The following CDH23 variants were observed in gnomAD, a reference collection of about 807,000 sequenced individuals.
The protein encoded by CDH23 is cadherin related 23.
CDH23 carries 189 observed loss-of-function variants against 317.1 expected under a neutral mutation model. The observed-to-expected ratio is 0.60, with a 90% CI of 0.53 to 0.67. The LOEUF (loss-of-function observed/expected upper bound fraction) is 0.67. Ranked by LOEUF, CDH23 falls within the 30% of genes least tolerant of loss-of-function variation. The pLI is 0.00. For missense variants in CDH23, 4,401 were observed against 4,592.4 expected (o/e 0.96, Z 1.20); for synonymous variants, 1,839 against 1,876.8 (o/e 0.98, Z 0.52).
At chr10:71,477,804 T>C (rs1851870020) in intron 3 of CDH23, among the ~76,000 whole-genome samples, 1 of 152,198 alleles carries the variant, frequency 6.6e-6, no homozygotes, top group Admixed American at 6.5e-5. Context: ...TGTTTCTACT[T>C]GTGAAATGTC....
At chr10:71,673,677 T>C (rs1864238165) in intron 14 of CDH23, among the ~76,000 whole-genome samples, 1 of 152,256 alleles carries the variant, frequency 6.6e-6, no homozygotes, top group Non-Finnish European at 1.5e-5. Context: ...TCTCTAGCTG[T>C]GAAGCCTTGA....
rs578127110 is a variant in CDH23, at chr10:71,702,068, A to C, written c.2444A>C (p.Tyr815Ser). ...CTGGGGGAGAATGGCACCCTGGTGT[A>C]CAGCATCCAGCCACCCAACAAGTTC... is the stretch of plus-strand genomic sequence containing the variant. ...PDLGENGTLVYSIQPPNKFYS... is the reference protein window; with the variant it reads ...PDLGENGTLVSSIQPPNKFYS... Residue 815 changes from tyrosine to serine, a missense_variant, in exon 23 of 70, where the codon TAC becomes TCC. Transcript: ENST00000224721. The C allele has an allele frequency of 6.2e-7, 1 of 1,613,860 alleles. No individual in the cohort carries two copies. The highest frequency in any genetic ancestry group is 1.1e-5 in the South Asian group (1 of 91,082).
chr10:71,442,313 G>GCCAGTGCTGTT (rs1385345705), intron 2 of CDH23, among the ~76,000 whole-genome samples: 1 of 152,210 alleles, frequency 6.6e-6, no homozygotes, highest in Non-Finnish European at 1.5e-5. Context: ...GTCTGAAGCA[G>GCCAGTGCTGTT]CCAGTGCTGT....
intron 18 of CDH23, among the ~76,000 whole-genome samples, chr10:71,684,901 C>T (rs1864812195): frequency 6.6e-6 from 1 of 152,212 alleles, no homozygotes; most frequent in Admixed American, 6.5e-5. Flanking sequence ...ATGTGCTGAG[C>T]TCCAGGAACG....
chr10:71,596,833 A>G (rs964401911), intron 9 of CDH23, among the ~76,000 whole-genome samples: 5 of 152,260 alleles, frequency 3.3e-5, no homozygotes, highest in Admixed American at 2.6e-4. Flanking sequence ...TGAAGTGCTG[A>G]ACTGGCACTC....
At position 71,724,078 on chromosome 10, in the gene CDH23, G is replaced by A. The variant is rs1373765243; in HGVS notation, c.3403G>A (p.Gly1135Arg). 6.4e-7 allele frequency: 1 copy of A among 1,559,874 alleles called. No individual in the cohort carries two copies. The highest frequency in any genetic ancestry group is 8.7e-7 in the Non-Finnish European group (1 of 1,151,596). ...CACGGACGCAGATGAGGGCGAGTTT[G>A]GGCGTGTGTGGTACCGCATCCTCCA... ...KATDADEGEF[G>R]RVWYRILHGN... The change falls in exon 29 of 70, where the codon GGG becomes AGG. Residue 1135 changes from glycine to arginine, a missense_variant. Physicochemically the swap from Gly to Arg is moderately radical, Grantham distance 125. This residue lies in a region of CDH23 where 3,068 missense variants were observed against 3,203.3 expected (regional missense o/e 0.96). Coordinates refer to ENST00000224721, the MANE Select transcript of CDH23 (RefSeq NM_022124.6).
chr10:71,671,935 T>G (rs1165878544), intron 14 of CDH23, among the ~76,000 whole-genome samples: 1 of 152,104 alleles, frequency 6.6e-6, no homozygotes, highest in Non-Finnish European at 1.5e-5. Context: ...TAGTTATAGG[T>G]GACAGAGATA....
At chr10:71,781,041 C>T (rs1225331473) in intron 41 of CDH23, among the ~76,000 whole-genome samples, 1 of 152,016 alleles carries the variant, frequency 6.6e-6, no homozygotes, top group African/African-American at 2.4e-5. Context: ...AAAGGAGGGT[C>T]GGTTCGAGAT....
chr10:71,688,557 A>C (rs1288267492), intron 19 of CDH23, among the ~76,000 whole-genome samples: 1 of 63,230 alleles, frequency 1.6e-5, no homozygotes, highest in African/African-American at 6.1e-5. Flanking sequence ...GGAGTCAGGG[A>C]TGGTGGAGCC....
At chr10:71,592,152 T>C (rs1859536516) in intron 9 of CDH23, among the ~76,000 whole-genome samples, 1 of 151,402 alleles carries the variant, frequency 6.6e-6, no homozygotes. Context: ...AGGGCATCTG[T>C]GTTTACAAGA....
chr10:71,522,159 C>T (rs1365883561), intron 6 of CDH23, among the ~76,000 whole-genome samples: 2 of 150,840 alleles, frequency 1.3e-5, no homozygotes, highest in African/African-American at 2.4e-5. Flanking sequence ...TTTGAGGAAA[C>T]GTATTACTTA....
Position 71,601,258 on chromosome 10 carries a change from G to A in CDH23, c.833-14246G>A, listed in dbSNP as rs571826521. On this transcript the variant is annotated intron_variant, in intron 9 of 69. Coordinates refer to ENST00000224721, the MANE Select transcript of CDH23 (RefSeq NM_022124.6). ...AGGCCATGGCTTCAAATCTCAGTGCGACCACTTACAAGCCTTATGACTTTT... is the reference window on the plus strand; with the variant it reads ...AGGCCATGGCTTCAAATCTCAGTGCAACCACTTACAAGCCTTATGACTTTT... Among the ~76,000 whole-genome samples, 21 of 152,256 alleles carry A rather than the reference G, an allele frequency of 1.4e-4. 1 individual carries two copies. Among genetic ancestry groups the A allele is most frequent in the South Asian group, 4.1e-4 (2 of 4,824 alleles).
At position 71,437,991 on chromosome 10, in the gene CDH23, G is replaced by C. The variant is rs1849692047; in HGVS notation, c.-5-1836G>C. Among the ~76,000 whole-genome samples the C allele has an allele frequency of 2.6e-5, 4 of 152,208 alleles. No homozygotes were observed. The South Asian group carries it at 8.3e-4, about 32-fold the overall frequency. On this transcript the variant is annotated intron_variant, in intron 1 of 69. Coordinates refer to ENST00000224721, the MANE Select transcript of CDH23 (RefSeq NM_022124.6). Reference sequence around the variant, plus strand: ...AGAAACTCAAGGCAGTGGAAACACAGGGATAGGATGTGTAGGGGGAAGAGT... The same window carrying C: ...AGAAACTCAAGGCAGTGGAAACACACGGATAGGATGTGTAGGGGGAAGAGT...
chr10:71,638,064 G>T (rs1405454813), intron 11 of CDH23, among the ~76,000 whole-genome samples: 1 of 152,184 alleles, frequency 6.6e-6, no homozygotes, highest in Non-Finnish European at 1.5e-5. Context: ...GCTTAGGCAA[G>T]AAAACACAAT....
At chr10:71,517,627 C>A (rs1257766953) in intron 6 of CDH23, among the ~76,000 whole-genome samples, 1 of 152,222 alleles carries the variant, frequency 6.6e-6, no homozygotes, top group Non-Finnish European at 1.5e-5. Flanking sequence ...CAGCTCCACT[C>A]ATGAGCGTGT....
chr10:71,615,528 T>C lies in CDH23; in HGVS notation c.857T>C (p.Leu286Pro), dbSNP rs1861132929. 2.5e-6 allele frequency: 4 copies of C among 1,613,310 alleles called. No individual in the cohort carries two copies. Among genetic ancestry groups the C allele is most frequent in the Non-Finnish European group, 2.5e-6 (3 of 1,179,604 alleles). ...VSGNTNSIFA[L>P]DYISGVLTLN... ...GGGAATACCAACAGCATCTTTGCCC[T>C]GGACTACATCAGCGGAGTGCTGACC... is the stretch of plus-strand genomic sequence containing the variant. Residue 286 changes from leucine to proline, a missense_variant, in exon 10 of 70, where the codon CTG becomes CCG. By Grantham distance (98) the Leu-to-Pro change is moderately conservative. Coordinates refer to ENST00000224721, the MANE Select transcript of CDH23 (RefSeq NM_022124.6).
intron 8 of CDH23, among the ~76,000 whole-genome samples, chr10:71,572,898 T>C (rs779985212): frequency 8.5e-5 from 13 of 152,194 alleles, no homozygotes; most frequent in African/African-American, 1.4e-4. Context: ...CAGGGCATCA[T>C]GCCCAGAGCT....
At chr10:71,534,134 A>G (rs552149747) in intron 6 of CDH23, among the ~76,000 whole-genome samples, 6 of 152,220 alleles carry the variant, frequency 3.9e-5, no homozygotes, top group African/African-American at 1.2e-4. Context: ...CCCACCCTGG[A>G]TACATGATTG....
At chr10:71,577,878 G>A (rs1241388065) in intron 8 of CDH23, 36 bp from the exon 9 acceptor site, 2 of 1,537,026 alleles carry the variant, frequency 1.3e-6, no homozygotes, top group East Asian at 4.8e-5. Flanking sequence ...AGCAGCCAGG[G>A]GACCCAAACT....
Sources: gnomAD v4.1 joint callset for allele counts (sites outside exome capture counted in the v4.1 genomes callset) on GRCh38, gnomAD v4.1.1 for gene constraint, gnomAD v4.1.1 regional missense constraint, MANE v1.5 for transcripts, NCBI Gene and HGNC (gene_info 2026-07-23, HGNC 2026-07-21) for gene names.